The following CDH13 variants were observed in gnomAD, a reference collection of about 807,000 sequenced individuals.
CDH13 encodes cadherin-13.
CDH13 carries 24 observed loss-of-function variants against 63.8 expected under a neutral mutation model. That is an observed-to-expected ratio of 0.38 (90% CI 0.27 to 0.53). The LOEUF is 0.53. Ranked by LOEUF, CDH13 falls within the 20% of genes least tolerant of loss-of-function variation. The pLI is 0.85. For synonymous variants in CDH13, 503 were observed against 355.3 expected (o/e 1.42, Z -4.67); for missense variants, 1,049 against 903.1 (o/e 1.16, Z -2.07).
chr16:82,886,283 G>A (rs1017336049), intron 2 of CDH13, among the ~76,000 whole-genome samples: 1 of 152,098 alleles, frequency 6.6e-6, no homozygotes, highest in Non-Finnish European at 1.5e-5. Flanking sequence ...AGTGAAATTG[G>A]TGGTTACAGA....
intron 2 of CDH13, chr16:82,953,617 A>G (rs1567689803): frequency 6.6e-6 from 1 of 152,204 alleles, no homozygotes; most frequent in Non-Finnish European, 1.5e-5. Flanking sequence ...TTAATAAAAC[A>G]TGGGTGAGAA....
intron 6 of CDH13, among the ~76,000 whole-genome samples, chr16:83,400,136 T>C (rs944970899): frequency 2.0e-5 from 3 of 152,058 alleles, no homozygotes; most frequent in Non-Finnish European, 2.9e-5. Flanking sequence ...TTTTTTTTCT[T>C]TTTTGGAAAG....
At chr16:83,271,422 T>TTAAAAAAAAAA (rs1555522986) in intron 5 of CDH13, among the ~76,000 whole-genome samples, 2,288 of 26,038 alleles carry the variant, frequency 0.088, 683 homozygotes, top group East Asian at 0.13. Flanking sequence ...GCAGAGTTCA[T>TTAAAAAAAAAA]AAAAAAAAAA....
At chr16:82,840,772 C>G (rs558042867) in intron 1 of CDH13, among the ~76,000 whole-genome samples, 1 of 151,608 alleles carries the variant, frequency 6.6e-6, no homozygotes, top group Non-Finnish European at 1.5e-5. Flanking sequence ...AATATGGAAG[C>G]TGCTTTAAGG....
chr16:83,056,845 C>T (rs67124250), intron 3 of CDH13, among the ~76,000 whole-genome samples: 6,498 of 152,286 alleles, frequency 0.043, 200 homozygotes, highest in Middle Eastern at 0.078. Context: ...TCCCTACACA[C>T]GCTCTCTTGC....
intron 3 of CDH13, among the ~76,000 whole-genome samples, chr16:83,039,342 A>C (rs1011860057): frequency 8.5e-5 from 13 of 152,120 alleles, no homozygotes; most frequent in African/African-American, 2.9e-4. Flanking sequence ...GCCTTCTTTC[A>C]AGTCTCATTC....
At chr16:82,841,408 T>C (rs2039004671) in intron 1 of CDH13, among the ~76,000 whole-genome samples, 1 of 152,202 alleles carries the variant, frequency 6.6e-6, no homozygotes, top group Non-Finnish European at 1.5e-5. Flanking sequence ...TATGGCACTA[T>C]AGACAAACTT....
At chr16:83,170,287 C>A (rs1375966655) in intron 4 of CDH13, among the ~76,000 whole-genome samples, 2 of 152,040 alleles carry the variant, frequency 1.3e-5, no homozygotes, top group Non-Finnish European at 1.5e-5. Context: ...TGATCATTTT[C>A]TCAGACTCCC....
At chr16:82,897,744 G>T (rs1012083244) in intron 2 of CDH13, among the ~76,000 whole-genome samples, 2 of 152,266 alleles carry the variant, frequency 1.3e-5, no homozygotes, top group African/African-American at 4.8e-5. Context: ...GCTGAGTAGA[G>T]TCCTGAAACT....
intron 6 of CDH13, among the ~76,000 whole-genome samples, chr16:83,409,937 A>C (rs2092102375): frequency 6.6e-6 from 1 of 152,232 alleles, no homozygotes; most frequent in African/African-American, 2.4e-5. Flanking sequence ...ACAAGCTGAG[A>C]AATGTTTCCA....
chr16:83,024,838 G>A (rs73594256), intron 2 of CDH13, among the ~76,000 whole-genome samples: 3 of 152,070 alleles, frequency 2.0e-5, no homozygotes, highest in Non-Finnish European at 4.4e-5. Flanking sequence ...CTTTAATATC[G>A]TTTTTCCTTC....
intron 11 of CDH13, among the ~76,000 whole-genome samples, chr16:83,750,676 G>T (rs182720027): frequency 6.6e-6 from 1 of 152,192 alleles, no homozygotes. Context: ...AGAGATCAGG[G>T]TGATGCTTCT....
At chr16:82,979,945 T>G (rs1445520862) in intron 2 of CDH13, among the ~76,000 whole-genome samples, 6 of 152,220 alleles carry the variant, frequency 3.9e-5, no homozygotes. Context: ...CATGTTTAAG[T>G]AAGATTTGCA....
chr16:83,287,569 C>A (rs1484284544), intron 5 of CDH13, among the ~76,000 whole-genome samples: 1 of 152,164 alleles, frequency 6.6e-6, no homozygotes, highest in African/African-American at 2.4e-5. Context: ...AATCTAATGC[C>A]TGATGGTCTG....
chr16:83,374,275 G>A (rs1202538328), intron 6 of CDH13, among the ~76,000 whole-genome samples: 2 of 152,186 alleles, frequency 1.3e-5, no homozygotes, highest in African/African-American at 2.4e-5. Flanking sequence ...CAGGTAAAAG[G>A]TTTCTTGCAT....
chr16:82,976,760 A>T (rs1909569143), intron 2 of CDH13, among the ~76,000 whole-genome samples: 1 of 152,316 alleles, frequency 6.6e-6, no homozygotes, highest in Admixed American at 6.5e-5. Context: ...ACGAAAATGC[A>T]CTAAGCAAGA....
chr16:82,802,124 T>C (rs1159177659), intron 1 of CDH13, among the ~76,000 whole-genome samples: 1 of 152,078 alleles, frequency 6.6e-6, no homozygotes, highest in African/African-American at 2.4e-5. Flanking sequence ...CTCTCATTGG[T>C]TGGAGCCTGC....
chr16:83,720,586 A>T (rs2150935573), intron 10 of CDH13, among the ~76,000 whole-genome samples: 1 of 152,242 alleles, frequency 6.6e-6, no homozygotes, highest in Non-Finnish European at 1.5e-5. Flanking sequence ...CTGTCTTTAA[A>T]AAAAAAAGAC....
At chr16:82,797,974 A>T (rs1462885993) in intron 1 of CDH13, among the ~76,000 whole-genome samples, 1 of 152,166 alleles carries the variant, frequency 6.6e-6, no homozygotes, top group Non-Finnish European at 1.5e-5. Flanking sequence ...CTCTCCTGTC[A>T]CCACGATGGA....
Sources: gnomAD v4.1 joint callset for allele counts (sites outside exome capture counted in the v4.1 genomes callset) on GRCh38, gnomAD v4.1.1 for gene constraint, MANE v1.5 for transcripts, NCBI Gene and HGNC (gene_info 2026-07-23, HGNC 2026-07-21) for gene names.